Variants in EFCAB14 observed in about 807,000 individuals in gnomAD.
The protein encoded by EFCAB14 is EF-hand calcium-binding domain-containing protein 14.
A neutral mutation model predicts 56.5 loss-of-function variants in EFCAB14; 43 were observed. That is an observed-to-expected ratio of 0.76 (90% confidence interval 0.60 to 0.98). The LOEUF (loss-of-function observed/expected upper bound fraction) is 0.98, where lower values mean the gene tolerates loss of function less well. Among genes scored for constraint, EFCAB14 ranks in the 50% least tolerant of loss-of-function variants. The probability of loss-of-function intolerance (pLI) is 0.00; values close to 1 mark genes in which losing one functional copy is unlikely to be tolerated. For synonymous variants in EFCAB14, 235 were observed against 212.9 expected, an observed-to-expected ratio of 1.10 and a Z score of -0.90; for missense variants, 538 against 580.3, an observed-to-expected ratio of 0.93 and a Z score of 0.75.
At chr1:46,707,036 G>T (rs1677242374) in intron 3 of EFCAB14, among the ~76,000 whole-genome samples, 1 of 152,182 alleles carries the variant, frequency 6.6e-6, no homozygotes, top group African/African-American at 2.4e-5. Context: ...TTGCTGAAAG[G>T]TGTGGCTTCA....
At chr1:46,684,092 T>A (rs899254765) in intron 9 of EFCAB14, 2 of 174,796 alleles carry the variant, frequency 1.1e-5, no homozygotes, top group South Asian at 2.6e-4. Flanking sequence ...AAAGATCCCA[T>A]CATTATTTTT....
At chr1:46,688,576 C>A in intron 6 of EFCAB14, 32 bp from the exon 7 acceptor site, 1 of 1,591,550 alleles carries the variant, frequency 6.3e-7, no homozygotes, top group Non-Finnish European at 8.6e-7. Flanking sequence ...TTATGGAATC[C>A]ACTAAAGACG....
chr1:46,691,798 G>T, intron 5 of EFCAB14, 29 bp downstream of exon 5: 1 of 1,551,252 alleles, frequency 6.4e-7, no homozygotes, highest in Non-Finnish European at 8.9e-7. Context: ...GGGTGAGCAG[G>T]AGCATGCTGA....
chr1:46,702,194 C>T (rs1340333303), intron 3 of EFCAB14, among the ~76,000 whole-genome samples: 3 of 152,320 alleles, frequency 2.0e-5, no homozygotes, highest in South Asian at 2.1e-4. Context: ...AAAATAGCTA[C>T]AGTAGACCAT....
chr1:46,706,205 G>A (rs370578081), intron 3 of EFCAB14, among the ~76,000 whole-genome samples: 1 of 151,960 alleles, frequency 6.6e-6, no homozygotes, highest in Non-Finnish European at 1.5e-5. Flanking sequence ...TGATAAAACT[G>A]GTTTCATTAT....
At chr1:46,701,218 AC>A (rs2148847119) in intron 3 of EFCAB14, among the ~76,000 whole-genome samples, 1 of 152,290 alleles carries the variant, frequency 6.6e-6, no homozygotes, top group South Asian at 2.1e-4. Context: ...TTCTTGGCTG[AC>A]CCTTTCTTCC....
intron 3 of EFCAB14, among the ~76,000 whole-genome samples, chr1:46,698,949 C>T (rs1369636496): frequency 1.9e-5 from 2 of 102,702 alleles, no homozygotes; most frequent in Admixed American, 9.7e-5. Flanking sequence ...TGTGTAGTCT[C>T]GGCAAGAGAT....
chr1:46,693,815 A>T (rs1470352340), intron 4 of EFCAB14, among the ~76,000 whole-genome samples: 1 of 152,218 alleles, frequency 6.6e-6, no homozygotes, highest in Non-Finnish European at 1.5e-5. Context: ...AGGAAGTTCC[A>T]CAAATGTTTA....
At chr1:46,709,563 G>A (rs897312564) in intron 2 of EFCAB14, among the ~76,000 whole-genome samples, 1 of 152,154 alleles carries the variant, frequency 6.6e-6, no homozygotes, top group Non-Finnish European at 1.5e-5. Context: ...GATCTAACTT[G>A]GGTATGCATT....
intron 2 of EFCAB14, among the ~76,000 whole-genome samples, chr1:46,714,746 G>A (rs566371530): frequency 6.7e-6 from 1 of 150,308 alleles, no homozygotes; most frequent in African/African-American, 2.4e-5. Context: ...AGGCTGCAAC[G>A]AGCCAGATGC....
At chr1:46,713,565 C>T (rs1475369814) in intron 2 of EFCAB14, among the ~76,000 whole-genome samples, 1 of 152,128 alleles carries the variant, frequency 6.6e-6, no homozygotes, top group African/African-American at 2.4e-5. Context: ...CTGAAAAGCT[C>T]AGCTAAGCTA....
In EFCAB14 at chr1:46,692,302, C is replaced by T. The variant is rs1280234312; in HGVS notation, c.580-365G>A. Among the ~76,000 whole-genome samples, 6 of 152,194 alleles carry T rather than the reference C, an allele frequency of 3.9e-5. 1 individual carries two copies. In the South Asian group the frequency reaches 6.2e-4, roughly 16 times the overall value. On this transcript the variant is annotated intron_variant, in intron 4 of 10. Transcript: ENST00000371933. ...ATGTTGAGGCTACTTGGCAGGCTGC[C>T]GAGCAGCATTCCATTGTGTGGCTCT...
Position 46,676,566 on chromosome 1 carries a change from A to G in EFCAB14, c.*1895T>C, listed in dbSNP as rs1203593544. The stretch of plus-strand genomic sequence containing the variant: ...ACAGTATATACAAATATAGCAGTAT[A>G]ATTCAATTTATTGCTAGAATTTTAT... On this transcript the variant is annotated 3_prime_UTR_variant, in exon 11 of 11. Coordinates refer to ENST00000371933, the MANE Select transcript of EFCAB14 (RefSeq NM_014774.3). The G allele has an allele frequency of 6.6e-6, 1 of 152,630 alleles. No homozygotes were observed. The highest frequency in any genetic ancestry group is 1.5e-5 in the Non-Finnish European group (1 of 68,044). The allele number at this position is 152,630 out of a possible 1,614,324, so 9.5% of individuals were successfully genotyped here.
chr1:46,714,954 GCA>G (rs578010623), intron 2 of EFCAB14, among the ~76,000 whole-genome samples: 508 of 152,304 alleles, frequency 3.3e-3, no homozygotes, highest in African/African-American at 0.011. Context: ...TCTGACAGTT[GCA>G]CAGTGTTCAA....
intron 2 of EFCAB14, among the ~76,000 whole-genome samples, chr1:46,709,459 A>T (rs1677277075): frequency 6.6e-6 from 1 of 151,654 alleles, no homozygotes; most frequent in Non-Finnish European, 1.5e-5. Context: ...ACCTCTTTTC[A>T]CTCCAAATTC....
rs17448613 is a variant in EFCAB14 at position 46,706,510 on chromosome 1, T to C, written c.480+1396A>G. ...GATAGCTGACTTTGCCTTTTCATGCTGAACGGTATCATCCTCCTCTCAGAA... is the reference window on the plus strand; with the variant it reads ...GATAGCTGACTTTGCCTTTTCATGCCGAACGGTATCATCCTCCTCTCAGAA... On this transcript the variant is annotated intron_variant, in intron 3 of 10. Transcript: ENST00000371933. Among the ~76,000 whole-genome samples the C allele has an allele frequency of 6.0e-3, 919 of 152,336 alleles. 10 individuals carry two copies. Among genetic ancestry groups the C allele is most frequent in the East Asian group, 0.033 (172 of 5,176 alleles).
At chr1:46,691,327 T>G (rs1200030101) in intron 5 of EFCAB14, among the ~76,000 whole-genome samples, 3 of 152,160 alleles carry the variant, frequency 2.0e-5, no homozygotes, top group Non-Finnish European at 4.4e-5. Context: ...CTGTTCCATG[T>G]GTTGTAGGCT....
At chr1:46,702,755 G>A (rs1677178104) in intron 3 of EFCAB14, among the ~76,000 whole-genome samples, 1 of 152,078 alleles carries the variant, frequency 6.6e-6, no homozygotes. Flanking sequence ...CAACTTTCTA[G>A]TGCAATTAGA....
chr1:46,688,924 T>TTCAGTA (rs1242593791), intron 6 of EFCAB14, among the ~76,000 whole-genome samples: 1 of 152,214 alleles, frequency 6.6e-6, no homozygotes, highest in Non-Finnish European at 1.5e-5. Flanking sequence ...TCAGGAACAA[T>TTCAGTA]ACCGATTACT....
Sources: gnomAD v4.1 joint callset for allele counts (sites outside exome capture counted in the v4.1 genomes callset) on GRCh38, gnomAD v4.1.1 for gene constraint, MANE v1.5 for transcripts, NCBI Gene and HGNC (gene_info 2026-07-23, HGNC 2026-07-21) for gene names.